Variants in DLGAP2 observed in about 807,000 individuals in gnomAD.
DLGAP2 encodes the protein disks large-associated protein 2.
DLGAP2 carries 26 observed loss-of-function variants against 100.3 expected under a neutral mutation model. The observed-to-expected ratio is 0.26, with a 90% CI of 0.19 to 0.36. The LOEUF is 0.36. Among genes scored for constraint, DLGAP2 ranks in the 10% least tolerant of loss-of-function variants. The pLI is 1.00. For synonymous variants in DLGAP2, 886 were observed against 630.1 expected (o/e 1.41, Z -6.08); for missense variants, 1,858 against 1,453.2 (o/e 1.28, Z -4.53).
chr8:984,484 G>C (rs921477785), intron 2 of DLGAP2, among the ~76,000 whole-genome samples: 2 of 152,212 alleles, frequency 1.3e-5, no homozygotes, highest in Non-Finnish European at 2.9e-5. Context: ...GTTTATCTTG[G>C]TTGTGGGGAT....
chr8:1,653,873 G>A (rs1158355225), intron 8 of DLGAP2, among the ~76,000 whole-genome samples: 1 of 152,160 alleles, frequency 6.6e-6, no homozygotes, highest in East Asian at 1.9e-4. Flanking sequence ...TTGACTCTGA[G>A]GTGTAAGTCA....
chr8:1,265,315 G>C (rs924593674), intron 3 of DLGAP2, among the ~76,000 whole-genome samples: 2 of 152,152 alleles, frequency 1.3e-5, no homozygotes, highest in African/African-American at 4.8e-5. Flanking sequence ...CATTTAAATT[G>C]ACCACTCTGT....
In DLGAP2 at chr8:1,549,001, C is replaced by A. The variant is rs1801657848; in HGVS notation, c.548C>A (p.Ala183Asp). Residue 183 changes from alanine to aspartate, a missense_variant, in exon 5 of 15, where the codon GCC becomes GAC. Coordinates refer to ENST00000637795, the MANE Select transcript of DLGAP2 (RefSeq NM_001346810.2). ...GACTGCGCTGTGGCCCACGCGGGCG[C>A]CAAGATCAACCGCATCCCGGCCAAC... ...RDDCAVAHAG[A>D]KINRIPANLL... 2 of 1,598,838 alleles carry A rather than the reference C, an allele frequency of 1.3e-6. No individual in the cohort carries two copies. Among genetic ancestry groups the A allele is most frequent in the Admixed American group, 3.3e-5 (2 of 59,702 alleles).
chr8:1,431,126 A>C (rs967092197), intron 3 of DLGAP2, among the ~76,000 whole-genome samples: 3 of 152,258 alleles, frequency 2.0e-5, no homozygotes, highest in African/African-American at 7.2e-5. Flanking sequence ...GTTACAACCC[A>C]GTGTACAGAG....
At chr8:778,989 C>G (rs1017345094) in intron 1 of DLGAP2, among the ~76,000 whole-genome samples, 1 of 152,198 alleles carries the variant, frequency 6.6e-6, no homozygotes, top group Non-Finnish European at 1.5e-5. Context: ...TAGCAATCAG[C>G]GAGACTCCGT....
Position 1,678,642 on chromosome 8 carries a change from G to T in DLGAP2, c.2704+13G>T. 3 of 1,515,652 alleles carry T rather than the reference G, an allele frequency of 2.0e-6. No homozygotes were observed. Among genetic ancestry groups the T allele is most frequent in the Non-Finnish European group, 1.8e-6 (2 of 1,128,868 alleles). The allele number at this position is 1,515,652 out of a possible 1,614,324, so 93.9% of individuals were successfully genotyped here. A position where few individuals can be genotyped will look rare whatever the true frequency, so the allele number is the denominator to read the frequency against. On this transcript the variant is annotated intron_variant, in intron 12 of 14. Transcript: ENST00000637795. ...CTCTCGGAGGAAAGTAAGAGCTCAGGCTTCCCTAGGGCCTCTTAAATATCA... is the reference window on the plus strand; with the variant it reads ...CTCTCGGAGGAAAGTAAGAGCTCAGTCTTCCCTAGGGCCTCTTAAATATCA...
chr8:1,381,804 TGTGTGTGTGTGTG>T (rs1327829928), intron 3 of DLGAP2, among the ~76,000 whole-genome samples: 4 of 151,186 alleles, frequency 2.6e-5, no homozygotes, highest in African/African-American at 7.3e-5. Flanking sequence ...TGTGTGTGTG[TGTGTGTGTGTGTG>T]TGTGTGTTTG....
intron 2 of DLGAP2, among the ~76,000 whole-genome samples, chr8:994,489 T>TAAAAA (rs1246834505): frequency 2.8e-4 from 43 of 152,184 alleles, no homozygotes; most frequent in Non-Finnish European, 6.0e-4. Context: ...CATGAGCCAC[T>TAAAAA]GCACCCAGCC....
intron 6 of DLGAP2, among the ~76,000 whole-genome samples, chr8:1,620,944 C>A (rs896651972): frequency 5.3e-5 from 8 of 152,236 alleles, no homozygotes; most frequent in African/African-American, 1.9e-4. Context: ...TCCCCCTTTA[C>A]CCTCTGCTCT....
chr8:1,507,433 G>A (rs1023064494), intron 4 of DLGAP2, among the ~76,000 whole-genome samples: 6 of 152,156 alleles, frequency 3.9e-5, no homozygotes, highest in Non-Finnish European at 7.4e-5. Flanking sequence ...GGCGCTGGCC[G>A]GCCGCTCCAA....
intron 3 of DLGAP2, among the ~76,000 whole-genome samples, chr8:1,284,453 C>T (rs562136706): frequency 1.3e-5 from 2 of 152,064 alleles, no homozygotes; most frequent in Non-Finnish European, 2.9e-5. Flanking sequence ...CACCTGGGCT[C>T]CAGCGCTAAC....
chr8:978,988 C>T (rs1042744232), intron 2 of DLGAP2, among the ~76,000 whole-genome samples: 2 of 152,114 alleles, frequency 1.3e-5, no homozygotes, highest in East Asian at 3.9e-4. Flanking sequence ...GTGAGAGACC[C>T]TGTTAGGAAG....
At chr8:1,278,140 G>A (rs192323888) in intron 3 of DLGAP2, among the ~76,000 whole-genome samples, 1 of 152,310 alleles carries the variant, frequency 6.6e-6, no homozygotes, top group Admixed American at 6.5e-5. Flanking sequence ...TGGCATCCGT[G>A]CTCACGGAAG....
At chr8:1,053,196 A>C (rs1038107212) in intron 2 of DLGAP2, among the ~76,000 whole-genome samples, 1 of 152,212 alleles carries the variant, frequency 6.6e-6, no homozygotes, top group African/African-American at 2.4e-5. Context: ...GATGTGGTGG[A>C]GTCGCATCCA....
intron 6 of DLGAP2, among the ~76,000 whole-genome samples, chr8:1,571,737 G>C (rs537776108): frequency 7.1e-6 from 1 of 141,192 alleles, no homozygotes; most frequent in Non-Finnish European, 1.5e-5. Context: ...CTGATGAGAT[G>C]GAGAGGAGAG....
chr8:1,332,220 G>A, intron 3 of DLGAP2, among the ~76,000 whole-genome samples: 1 of 152,176 alleles, frequency 6.6e-6, no homozygotes, highest in Non-Finnish European at 1.5e-5. Context: ...GTGATGGTTT[G>A]TGTGAGTGTG....
In DLGAP2 at chr8:888,534, C is replaced by G. The variant is rs188598779; in HGVS notation, c.19-19378C>G. On this transcript the variant is annotated intron_variant, in intron 1 of 14. Coordinates refer to ENST00000637795, the MANE Select transcript of DLGAP2 (RefSeq NM_001346810.2). ...GTTTGTCTAATTTTGGTCTTTGAGG[C>G]TGCTGACCCTTGGATGGGGTTTCTG... Among the ~76,000 whole-genome samples, 53 of 150,436 alleles carry G rather than the reference C, an allele frequency of 3.5e-4. 1 individual carries two copies. In the East Asian group the frequency reaches 9.4e-3, roughly 27 times the overall value.
chr8:1,130,917 G>A (rs540064745), intron 2 of DLGAP2, among the ~76,000 whole-genome samples: 9 of 151,988 alleles, frequency 5.9e-5, no homozygotes, highest in African/African-American at 1.7e-4. Context: ...GACCGGAGAC[G>A]GGCCTCCCTG....
At chr8:789,192 A>C (rs1258794698) in intron 1 of DLGAP2, among the ~76,000 whole-genome samples, 1 of 152,206 alleles carries the variant, frequency 6.6e-6, no homozygotes, top group African/African-American at 2.4e-5. Flanking sequence ...ACTCTGCTAT[A>C]AAGAAATAGG....
Sources: allele counts gnomAD v4.1 joint callset (sites outside exome capture counted in the v4.1 genomes callset), GRCh38; gene constraint gnomAD v4.1.1; transcripts MANE v1.5; gene names NCBI Gene and HGNC (gene_info 2026-07-23, HGNC 2026-07-21).